Variants in TSC22D4 observed in about 807,000 individuals in gnomAD.
TSC22D4 encodes TSC22 domain family protein 4.
TSC22D4 carries 5 observed loss-of-function variants against 24.9 expected under a neutral mutation model. That is an observed-to-expected ratio of 0.20 (90% CI 0.10 to 0.42). The LOEUF (loss-of-function observed/expected upper bound fraction) is 0.42, where lower values mean the gene tolerates loss of function less well. Among genes scored for constraint, TSC22D4 ranks in the 10% least tolerant of loss-of-function variants. The pLI is 1.00. For synonymous variants in TSC22D4, 245 were observed against 243.2 expected (o/e 1.01, Z -0.07); for missense variants, 469 against 547.9 (o/e 0.86, Z 1.44).
Position 100,467,135 on chromosome 7 carries a change from G to A in TSC22D4, c.1012C>T (p.Arg338Trp). 2 of 1,614,146 alleles carry A rather than the reference G, an allele frequency of 1.2e-6. No homozygotes were observed. Among genetic ancestry groups the A allele is most frequent in the Non-Finnish European group, 1.7e-6 (2 of 1,180,028 alleles). The change falls in exon 5 of 5, where the codon CGG becomes TGG. Residue 338 changes from arginine to tryptophan, a missense_variant. By Grantham distance (101) the Arg-to-Trp change is moderately radical. Transcript: ENST00000300181. ...TCCTTCAGCACCTCCACCTCCTCCC[G>A]GACCGCAAACATGAGGTGGGACTTC... ...LVKSHLMFAV[R>W]EEVEVLKEQI...
chr7:100,466,924 G>A lies in TSC22D4; in HGVS notation c.*35C>T. 6.7e-7 allele frequency: 1 copy of A among 1,494,764 alleles called. No individual in the cohort carries two copies. The highest frequency in any genetic ancestry group is 9.0e-7 in the Non-Finnish European group (1 of 1,116,712). 92.6% of individuals were successfully genotyped at this position (1,494,764 alleles called of 1,614,324 possible). On this transcript the variant is annotated 3_prime_UTR_variant, in exon 5 of 5. Coordinates refer to ENST00000300181, the MANE Select transcript of TSC22D4 (RefSeq NM_030935.5). Reference sequence around the variant, plus strand: ...GGGCAGGCGGCTGACGCAAGGCCGGGCAGCCCCAAAGGCACATTGTAAGGG... The same window carrying A: ...GGGCAGGCGGCTGACGCAAGGCCGGACAGCCCCAAAGGCACATTGTAAGGG...
chr7:100,467,230 C>T, intron 4 of TSC22D4, 62 bp from the exon 5 acceptor site: 1 of 1,540,024 alleles, frequency 6.5e-7, no homozygotes, highest in Non-Finnish European at 9.0e-7. Context: ...TGCCCAGTGC[C>T]TTGAGGGCTG....
intron 3 of TSC22D4, among the ~76,000 whole-genome samples, chr7:100,471,773 A>C (rs74935309): frequency 3.3e-5 from 5 of 151,640 alleles, no homozygotes; most frequent in African/African-American, 7.3e-5. Context: ...ACAAAAAAAA[A>C]CCTCCTTCTC....
Position 100,477,202 on chromosome 7 carries a change from GGGA to G in TSC22D4, c.762+72_762+74del. ...GATGGAGAAGGAGGAGGAGAGGGGG[GGGA>G]GGAGGAGGAAGGAGGCTCAAGATAG... On this transcript the variant is annotated intron_variant, in intron 2 of 4. Coordinates refer to ENST00000300181, the MANE Select transcript of TSC22D4 (RefSeq NM_030935.5). The surrounding 1 kb of genome is among the most constrained non-coding windows in gnomAD (Gnocchi z 7.8). 1.3e-5 allele frequency: 15 copies of G among 1,181,338 alleles called. No homozygotes were observed. Among genetic ancestry groups the G allele is most frequent in the Non-Finnish European group, 1.5e-5 (13 of 884,736 alleles). The allele number at this position is 1,181,338 out of a possible 1,614,324, so 73.2% of individuals were successfully genotyped here.
In TSC22D4 at chr7:100,474,842, C is replaced by A. The variant is rs1047939647; in HGVS notation, c.763-402G>T. 2.0e-5 allele frequency among the ~76,000 whole-genome samples: 3 copies of A among 152,164 alleles called. No individual in the cohort carries two copies. In the East Asian group the frequency reaches 5.8e-4, roughly 29 times the overall value. On this transcript the variant is annotated intron_variant, in intron 2 of 4. Coordinates refer to ENST00000300181, the MANE Select transcript of TSC22D4 (RefSeq NM_030935.5). The surrounding 1 kb of genome is among the most constrained non-coding windows in gnomAD (Gnocchi z 4.3). ...TTTTTGAGACAGTCTCACTCTGTCA[C>A]CCAGGCTGGAGTGAAGTGGCACAAT...
At chr7:100,470,708 G>C (rs893176797) in intron 3 of TSC22D4, among the ~76,000 whole-genome samples, 4 of 152,300 alleles carry the variant, frequency 2.6e-5, no homozygotes, top group African/African-American at 9.6e-5. Context: ...CACTGTGCTA[G>C]AATTCTTTGA....
chr7:100,467,743 C>T lies in TSC22D4; in HGVS notation c.930-143G>A, dbSNP rs776100258. The T allele has an allele frequency of 2.8e-5, 25 of 906,254 alleles. No individual in the cohort carries two copies. In the Middle Eastern group the frequency reaches 1.1e-3, roughly 39 times the overall value. 56.1% of individuals were successfully genotyped at this position (906,254 alleles called of 1,614,324 possible). ...GAGGAGGGTTTTGTCCATCCCCCTG[C>T]GGGTTGAAGGCCGCTGCCCAGGGCC... On this transcript the variant is annotated intron_variant, in intron 3 of 4. Transcript: ENST00000300181.
In TSC22D4 at chr7:100,477,656, A is replaced by C; in HGVS notation, c.383T>G (p.Leu128Trp). 1 of 1,593,910 alleles carries C rather than the reference A, an allele frequency of 6.3e-7. No individual in the cohort carries two copies. The highest frequency in any genetic ancestry group is 2.2e-5 in the East Asian group (1 of 44,524). ...GCCCAGGCCGAGGCTGGCCAGCTCC[A>C]ACCTGGAATCCAAAGATCTGCCCCC... ...GAGGRSLDSR[L>W]ELASLGLGAP... Residue 128 changes from leucine (L) to tryptophan (W), a missense_variant, in exon 2 of 5, where the codon TTG (leucine) becomes TGG (tryptophan). By Grantham distance (61) the Leu-to-Trp change is moderately conservative. Coordinates refer to ENST00000300181, the MANE Select transcript of TSC22D4 (RefSeq NM_030935.5). The surrounding 1 kb of genome is among the most constrained non-coding windows in gnomAD (Gnocchi z 7.8).
Position 100,478,069 on chromosome 7 carries a change from T to TG in TSC22D4, c.-32dup. The TG allele has an allele frequency of 7.2e-7, 1 of 1,386,768 alleles. No homozygotes were observed. The highest frequency in any genetic ancestry group is 9.5e-7 in the Non-Finnish European group (1 of 1,051,384). The allele number at this position is 1,386,768 out of a possible 1,614,324, so 85.9% of individuals were successfully genotyped here. A position where few individuals can be genotyped will look rare whatever the true frequency, so the allele number is the denominator to read the frequency against. ...CTGGGGCTCAGGGCTGGGCCAAGGT[T>TG]GGGGGTGGGTTGGGGCTCCTTGAAG... On this transcript the variant is annotated 5_prime_UTR_variant, in exon 2 of 5. The change creates a premature stop within an existing upstream ORF in the 5' untranslated region. Coordinates refer to ENST00000300181, the MANE Select transcript of TSC22D4 (RefSeq NM_030935.5).
chr7:100,467,179 C>T lies in TSC22D4; in HGVS notation c.979-11G>A. 1.9e-6 allele frequency: 3 copies of T among 1,613,960 alleles called. No individual in the cohort carries two copies. Among genetic ancestry groups the T allele is most frequent in the Non-Finnish European group, 2.5e-6 (3 of 1,179,968 alleles). On this transcript the variant is annotated splice_polypyrimidine_tract_variant and intron_variant, in intron 4 of 4. Coordinates refer to ENST00000300181, the MANE Select transcript of TSC22D4 (RefSeq NM_030935.5). ...GGACTTCACCAAGTCCTGGGGGCCC[C>T]GGGACAGGCACAGCGTCAACGGGGT...
intron 3 of TSC22D4, among the ~76,000 whole-genome samples, chr7:100,469,920 G>A (rs1277975615): frequency 6.6e-6 from 1 of 152,128 alleles, no homozygotes; most frequent in Admixed American, 6.5e-5. Flanking sequence ...GACAGGTGGA[G>A]CAACTAAGGA....
rs1177954080 is a variant in TSC22D4 at position 100,466,861 on chromosome 7, CCGGGGACA to C, written c.*90_*97del. ...CATTACTGAGCCTTGAACTCCCACC[CCGGGGACA>C]CGGGGACATTAAAGCTGCATAGGAA... On this transcript the variant is annotated 3_prime_UTR_variant, in exon 5 of 5. Transcript: ENST00000300181. 1.6e-6 allele frequency: 2 copies of C among 1,248,100 alleles called. No individual in the cohort carries two copies. Among genetic ancestry groups the C allele is most frequent in the Non-Finnish European group, 2.2e-6 (2 of 913,520 alleles). 77.3% of individuals were successfully genotyped at this position (1,248,100 alleles called of 1,614,324 possible).
chr7:100,467,734 A>C (rs1242882996), intron 3 of TSC22D4, 134 bp from the exon 4 acceptor site: 1 of 981,302 alleles, frequency 1.0e-6, no homozygotes, highest in Non-Finnish European at 1.6e-6. Flanking sequence ...GGTTTTGTCC[A>C]TCCCCCTGCG....
At chr7:100,467,253 G>T in intron 4 of TSC22D4, 85 bp from the exon 5 acceptor site, 1 of 1,367,448 alleles carries the variant, frequency 7.3e-7, no homozygotes. Flanking sequence ...GTGGGAGACA[G>T]TCCCCAGTGT....
intron 3 of TSC22D4, 30 bp from the exon 4 acceptor site, chr7:100,467,630 A>G (rs1171686899): frequency 2.5e-6 from 4 of 1,611,872 alleles, no homozygotes; most frequent in Middle Eastern, 1.6e-4. Context: ...TGAGGGGAGG[A>G]GAGGAGAAGC....
rs1003111763 is a variant in TSC22D4 at position 100,477,057 on chromosome 7, GAGAA to G, written c.762+216_762+219del. 3.9e-5 allele frequency among the ~76,000 whole-genome samples: 6 copies of G among 152,164 alleles called. No individual in the cohort carries two copies. The highest frequency in any genetic ancestry group is 1.2e-4 in the African/African-American group (5 of 41,450). On this transcript the variant is annotated intron_variant, in intron 2 of 4. Transcript: ENST00000300181. The surrounding 1 kb of genome is among the most constrained non-coding windows in gnomAD (Gnocchi z 7.8). Reference sequence around the variant, plus strand: ...CCAAGACAGAGAATCAGAGGCCAGGGAGAAAGAGAGAGGGTGCAGAAAAACAGGA... The same window carrying G: ...CCAAGACAGAGAATCAGAGGCCAGGGAGAGAGAGGGTGCAGAAAAACAGGA...
intron 3 of TSC22D4, among the ~76,000 whole-genome samples, chr7:100,468,460 C>T (rs920421275): frequency 6.6e-6 from 1 of 152,114 alleles, no homozygotes; most frequent in Admixed American, 6.5e-5. Flanking sequence ...GGGTAGGGGG[C>T]GTTCTGACGT....
intron 3 of TSC22D4, among the ~76,000 whole-genome samples, chr7:100,470,676 C>A (rs146444186): frequency 3.6e-4 from 55 of 152,242 alleles, no homozygotes; most frequent in African/African-American, 1.2e-3. Context: ...CCCTTTAGGA[C>A]CCCAAAGCGA....
intron 4 of TSC22D4, 125 bp from the exon 5 acceptor site, chr7:100,467,293 G>A (rs910783212): frequency 3.8e-5 from 42 of 1,105,298 alleles, no homozygotes; most frequent in East Asian, 2.6e-4. Context: ...GCAGGGAAGG[G>A]ACAGGGGAAA....
Sources: gnomAD v4.1 joint callset for allele counts (sites outside exome capture counted in the v4.1 genomes callset) on GRCh38, gnomAD v4.1.1 for gene constraint, Gnocchi (gnomAD v3.1) non-coding constraint, MANE v1.5 for transcripts, NCBI Gene and HGNC (gene_info 2026-07-23, HGNC 2026-07-21) for gene names.